The following THSD7B variants were observed in gnomAD, a reference collection of about 807,000 sequenced individuals.
THSD7B encodes the protein thrombospondin type 1 domain containing 7B.
A neutral mutation model predicts 213.6 loss-of-function variants in THSD7B; 138 were observed. The ratio of observed to expected loss-of-function variants is 0.65; its 90% CI spans 0.56 to 0.74. The LOEUF is 0.74. Among genes scored for constraint, THSD7B ranks in the 30% least tolerant of loss-of-function variants. The pLI is 0.00. For missense variants in THSD7B, 1,931 were observed against 1,991.5 expected (o/e 0.97, Z 0.58); for synonymous variants, 742 against 687.0 (o/e 1.08, Z -1.25).
chr2:137,334,001 G>A (rs1395060535), intron 12 of THSD7B, among the ~76,000 whole-genome samples: 5 of 152,116 alleles, frequency 3.3e-5, no homozygotes, highest in African/African-American at 1.2e-4. Context: ...GAAACCATAT[G>A]GTTTCTGTCA....
At chr2:137,671,235 C>CT (rs1281875074) in intron 27 of THSD7B, among the ~76,000 whole-genome samples, 1,731 of 52,864 alleles carry the variant, frequency 0.033, 40 homozygotes, top group African/African-American at 0.069. Flanking sequence ...TTATGATTTG[C>CT]TTTTTTTTTT....
chr2:136,840,848 G>A (rs1025181774), intron 1 of THSD7B, among the ~76,000 whole-genome samples: 1 of 152,256 alleles, frequency 6.6e-6, no homozygotes, highest in Non-Finnish European at 1.5e-5. Context: ...CAAGGGGCAT[G>A]CAGTAAGTAG....
chr2:137,405,701 A>G lies in THSD7B; in HGVS notation c.2589A>G (p.Glu863=). Residue 863 remains glutamate, a synonymous_variant, in exon 13 of 28, where the codon GAA becomes GAG. Coordinates refer to ENST00000409968, the MANE Select transcript of THSD7B (RefSeq NM_001316349.2). ...QTNGMPLLVQ[E]CTVPCREDCT... ...ACGGCATGCCTCTCCTTGTGCAAGAATGCACAGTCCCATGTCGAGAAGACT... is the reference window on the plus strand; with the variant it reads ...ACGGCATGCCTCTCCTTGTGCAAGAGTGCACAGTCCCATGTCGAGAAGACT... 1 of 1,613,806 alleles carries G rather than the reference A, an allele frequency of 6.2e-7. No homozygotes were observed. The highest frequency in any genetic ancestry group is 1.1e-5 in the South Asian group (1 of 91,076).
At chr2:137,560,586 T>A (rs932531259) in intron 15 of THSD7B, among the ~76,000 whole-genome samples, 2 of 152,014 alleles carry the variant, frequency 1.3e-5, no homozygotes, top group African/African-American at 2.4e-5. Context: ...GGGAGAGGGA[T>A]AGCATTAGGA....
intron 2 of THSD7B, among the ~76,000 whole-genome samples, chr2:137,039,371 A>G (rs1686837034): frequency 6.6e-6 from 1 of 152,184 alleles, no homozygotes; most frequent in Non-Finnish European, 1.5e-5. Context: ...TTGCTCCCCA[A>G]GGGGCATTTG....
At chr2:137,513,840 C>T (rs942240692) in intron 15 of THSD7B, among the ~76,000 whole-genome samples, 12 of 152,086 alleles carry the variant, frequency 7.9e-5, no homozygotes, top group African/African-American at 2.7e-4. Flanking sequence ...AGCCTGAGTA[C>T]GAGGAGACAG....
intron 10 of THSD7B, among the ~76,000 whole-genome samples, chr2:137,263,218 A>G (rs1048449982): frequency 3.3e-5 from 5 of 152,054 alleles, no homozygotes; most frequent in African/African-American, 1.2e-4. Flanking sequence ...TTAAGTCTAT[A>G]CAAAGGGCTT....
intron 20 of THSD7B, among the ~76,000 whole-genome samples, chr2:137,634,831 A>G (rs1017563364): frequency 7.2e-5 from 11 of 152,172 alleles, no homozygotes; most frequent in African/African-American, 2.7e-4. Context: ...GAGCCTCAAG[A>G]GGGAAGTTTG....
At chr2:136,917,977 G>C (rs1684375323) in intron 2 of THSD7B, among the ~76,000 whole-genome samples, 1 of 152,162 alleles carries the variant, frequency 6.6e-6, no homozygotes, top group South Asian at 2.1e-4. Flanking sequence ...GTAACTAGTT[G>C]TAATCTGAGG....
At chr2:136,990,488 G>A (rs948943357) in intron 2 of THSD7B, among the ~76,000 whole-genome samples, 1 of 152,128 alleles carries the variant, frequency 6.6e-6, no homozygotes, top group Non-Finnish European at 1.5e-5. Flanking sequence ...GTAGGGGGGG[G>A]ACCATGCCAG....
At chr2:137,648,893 C>G (rs1683086646) in intron 21 of THSD7B, among the ~76,000 whole-genome samples, 1 of 152,122 alleles carries the variant, frequency 6.6e-6, no homozygotes, top group Non-Finnish European at 1.5e-5. Context: ...CAACAGTGTT[C>G]AAGGGTTCCC....
At chr2:137,368,098 A>G (rs920179965) in intron 12 of THSD7B, among the ~76,000 whole-genome samples, 46 of 152,268 alleles carry the variant, frequency 3.0e-4, no homozygotes, top group African/African-American at 1.0e-3. Context: ...TTGAGAAAGA[A>G]TAAAAGCCTT....
chr2:137,467,515 T>C (rs911778534), intron 15 of THSD7B, among the ~76,000 whole-genome samples: 8 of 152,234 alleles, frequency 5.3e-5, no homozygotes, highest in African/African-American at 1.4e-4. Flanking sequence ...GTGTATTAAC[T>C]AGTGGGAAGG....
intron 17 of THSD7B, among the ~76,000 whole-genome samples, chr2:137,584,547 G>C (rs554738788): frequency 4.6e-5 from 7 of 152,238 alleles, no homozygotes; most frequent in South Asian, 2.1e-4. Context: ...TAGCATGAAG[G>C]GCTGTTGAAT....
chr2:137,181,615 G>A (rs1339434947), intron 7 of THSD7B, among the ~76,000 whole-genome samples: 1 of 152,130 alleles, frequency 6.6e-6, no homozygotes, highest in Non-Finnish European at 1.5e-5. Flanking sequence ...TTCTGCAGGG[G>A]AATCTCCTCA....
At chr2:137,158,343 A>G (rs1679948241) in intron 5 of THSD7B, among the ~76,000 whole-genome samples, 1 of 152,046 alleles carries the variant, frequency 6.6e-6, no homozygotes, top group South Asian at 2.1e-4. Context: ...TTCAAGCACA[A>G]TCTTTGTTTG....
In THSD7B at chr2:137,148,475, G is replaced by A. The variant is rs528945196; in HGVS notation, c.1370-11738G>A. Among the ~76,000 whole-genome samples the A allele has an allele frequency of 2.6e-5, 4 of 152,276 alleles. No individual in the cohort carries two copies. The East Asian group carries it at 5.8e-4, about 22-fold the overall frequency. On this transcript the variant is annotated intron_variant, in intron 5 of 27. Transcript: ENST00000409968. The stretch of plus-strand genomic sequence containing the variant: ...GAACAGTTTGGAGGGCTCAGAAGAA[G>A]ATAGGAATATTTGGGAAAGTTTGGA...
intron 2 of THSD7B, among the ~76,000 whole-genome samples, chr2:136,958,856 T>C (rs1685169650): frequency 6.6e-6 from 1 of 152,152 alleles, no homozygotes; most frequent in Non-Finnish European, 1.5e-5. Flanking sequence ...GAATTTCATC[T>C]AGAGTGGGTA....
intron 3 of THSD7B, among the ~76,000 whole-genome samples, chr2:137,070,797 G>A (rs575818511): frequency 1.0e-3 from 154 of 151,818 alleles, no homozygotes; most frequent in Admixed American, 6.1e-3. Context: ...CCACCTATGC[G>A]TGAGAACATG....
Sources: gnomAD v4.1 joint callset for allele counts (sites outside exome capture counted in the v4.1 genomes callset) on GRCh38, gnomAD v4.1.1 for gene constraint, MANE v1.5 for transcripts, NCBI Gene and HGNC (gene_info 2026-07-23, HGNC 2026-07-21) for gene names.